VMP1: variants seen among roughly 807,000 people sequenced by gnomAD.
VMP1 encodes the protein ectopic P-granules autophagy protein 3 homolog.
VMP1 carries 11 observed loss-of-function variants against 56.0 expected under a neutral mutation model. The observed-to-expected ratio is 0.20, with a 90% confidence interval of 0.12 to 0.32. The LOEUF is 0.32. Among genes scored for constraint, VMP1 ranks in the 10% least tolerant of loss-of-function variants. The pLI is 1.00. For missense variants in VMP1, 296 were observed against 490.3 expected (o/e 0.60, Z 3.74); for synonymous variants, 149 against 165.0 (o/e 0.90, Z 0.74).
chr17:59,799,334 A>T (rs1323471435), intron 7 of VMP1, among the ~76,000 whole-genome samples: 1 of 152,164 alleles, frequency 6.6e-6, no homozygotes, highest in Non-Finnish European at 1.5e-5. Flanking sequence ...TCTAATATAT[A>T]TAGAAATACC....
At chr17:59,806,645 G>A (rs1443770492) in intron 7 of VMP1, among the ~76,000 whole-genome samples, 1 of 150,232 alleles carries the variant, frequency 6.7e-6, no homozygotes, top group Admixed American at 6.7e-5. Flanking sequence ...AACCCGGGAG[G>A]CAGAGTTTGC....
At chr17:59,789,577 G>C (rs1346154352) in intron 7 of VMP1, among the ~76,000 whole-genome samples, 1 of 151,452 alleles carries the variant, frequency 6.6e-6, no homozygotes, top group Admixed American at 6.6e-5. Context: ...GACTACTTAC[G>C]CTTCGTTTTT....
At chr17:59,774,831 G>T (rs2036560039) in intron 7 of VMP1, among the ~76,000 whole-genome samples, 1 of 152,096 alleles carries the variant, frequency 6.6e-6, no homozygotes, top group African/African-American at 2.4e-5. Flanking sequence ...GGGGGTGGTA[G>T]CTCATGCCTG....
chr17:59,811,832 A>G (rs2038060776), intron 9 of VMP1, 46 bp downstream of exon 9: 1 of 1,257,200 alleles, frequency 8.0e-7, no homozygotes. Context: ...TGAACCCATT[A>G]CAAGACAATG....
chr17:59,735,019 C>T (rs568581077), intron 2 of VMP1, among the ~76,000 whole-genome samples: 224 of 143,348 alleles, frequency 1.6e-3, no homozygotes, highest in African/African-American at 5.7e-3. Context: ...TCAAGGGATT[C>T]TTGTGCTTCA....
chr17:59,834,732 C>T (rs1189634821), intron 10 of VMP1, among the ~76,000 whole-genome samples: 2 of 151,186 alleles, frequency 1.3e-5, no homozygotes, highest in African/African-American at 4.9e-5. Flanking sequence ...TCAAGTGATT[C>T]TCCCATCTCA....
At chr17:59,802,992 C>T (rs933968537) in intron 7 of VMP1, among the ~76,000 whole-genome samples, 9 of 152,176 alleles carry the variant, frequency 5.9e-5, no homozygotes, top group African/African-American at 1.9e-4. Flanking sequence ...GTGATCCACC[C>T]GCCTTGGCCT....
chr17:59,787,005 G>T (rs1245317054), intron 7 of VMP1, among the ~76,000 whole-genome samples: 3 of 152,130 alleles, frequency 2.0e-5, no homozygotes, highest in African/African-American at 7.2e-5. Context: ...GAAAAGGCGG[G>T]CCTGGTAGAT....
chr17:59,802,020 G>A (rs984312402), intron 7 of VMP1, among the ~76,000 whole-genome samples: 9 of 152,046 alleles, frequency 5.9e-5, no homozygotes, highest in South Asian at 4.2e-4. Context: ...GGCCAACATC[G>A]CGAAACCCCA....
chr17:59,838,986 C>T (rs921935822), intron 11 of VMP1: 1 of 151,890 alleles, frequency 6.6e-6, no homozygotes, highest in Admixed American at 6.6e-5. Flanking sequence ...TTGTTTGGTT[C>T]GTTTTTTGTT....
At chr17:59,735,786 A>G (rs1228278015) in intron 3 of VMP1, 1 of 251,200 alleles carries the variant, frequency 4.0e-6, no homozygotes, top group Non-Finnish European at 7.9e-6. Flanking sequence ...GGGAGAAATC[A>G]GGTCTGTGTA....
At chr17:59,713,347 A>T (rs2034006845) in intron 1 of VMP1, among the ~76,000 whole-genome samples, 1 of 152,122 alleles carries the variant, frequency 6.6e-6, no homozygotes, top group African/African-American at 2.4e-5. Flanking sequence ...ACATGTATAC[A>T]TATGTAACAA....
chr17:59,825,154 T>G (rs191985324), intron 10 of VMP1, among the ~76,000 whole-genome samples: 3 of 136,910 alleles, frequency 2.2e-5, no homozygotes, highest in African/African-American at 8.0e-5. Flanking sequence ...TGGTGCAATC[T>G]CGACCCACTG....
intron 10 of VMP1, chr17:59,838,049 T>C (rs2144353457): frequency 3.3e-6 from 1 of 304,986 alleles, no homozygotes; most frequent in East Asian, 5.9e-5. Flanking sequence ...CCCAGACATG[T>C]TGGTGGGAGA....
At chr17:59,737,331 A>G in intron 3 of VMP1, 122 bp from the exon 4 acceptor site, 1 of 852,628 alleles carries the variant, frequency 1.2e-6, no homozygotes. Context: ...ATGATGTGTA[A>G]GGAAAAGAGC....
At chr17:59,825,302 G>A (rs1295384414) in intron 10 of VMP1, among the ~76,000 whole-genome samples, 1 of 151,254 alleles carries the variant, frequency 6.6e-6, no homozygotes, top group Non-Finnish European at 1.5e-5. Flanking sequence ...TCAAACTCCT[G>A]ACCTCATGAT....
chr17:59,789,559 G>A (rs1007840898), intron 7 of VMP1, among the ~76,000 whole-genome samples: 1 of 151,518 alleles, frequency 6.6e-6, no homozygotes, highest in Non-Finnish European at 1.5e-5. Context: ...TTGAAACTTG[G>A]ACCAACAGAC....
At chr17:59,756,591 T>G (rs536749429) in intron 5 of VMP1, among the ~76,000 whole-genome samples, 2 of 152,222 alleles carry the variant, frequency 1.3e-5, no homozygotes, top group Non-Finnish European at 2.9e-5. Context: ...CTCCAGTCTT[T>G]AGGAATGTTT....
At chr17:59,802,142 A>C (rs931378064) in intron 7 of VMP1, among the ~76,000 whole-genome samples, 1 of 152,070 alleles carries the variant, frequency 6.6e-6, no homozygotes, top group Non-Finnish European at 1.5e-5. Context: ...TGGAGGTTGC[A>C]TTGAGCCAAG....
Sources: gnomAD v4.1 joint callset for allele counts (sites outside exome capture counted in the v4.1 genomes callset) on GRCh38, gnomAD v4.1.1 for gene constraint, MANE v1.5 for transcripts, NCBI Gene and HGNC (gene_info 2026-07-23, HGNC 2026-07-21) for gene names.